The following GRM5 variants were observed in gnomAD, a reference collection of about 807,000 sequenced individuals.
GRM5 encodes glutamate metabotropic receptor 5, also known as metabotropic glutamate receptor 5.
A neutral mutation model predicts 83.1 loss-of-function variants in GRM5; 19 were observed. The observed-to-expected ratio is 0.23, with a 90% CI of 0.16 to 0.34. The LOEUF is 0.34. Among genes scored for constraint, GRM5 ranks in the 10% least tolerant of loss-of-function variants. The pLI is 1.00. For synonymous variants in GRM5, 675 were observed against 633.6 expected (o/e 1.07, Z -0.98); for missense variants, 1,160 against 1,588.3 (o/e 0.73, Z 4.58).
At chr11:88,568,159 C>T (rs915274164) in intron 7 of GRM5, among the ~76,000 whole-genome samples, 167 bp from the exon 8 acceptor site, 6 of 152,098 alleles carry the variant, frequency 3.9e-5, no homozygotes, top group East Asian at 1.9e-4. Flanking sequence ...ATTCAGAAAA[C>T]GTTAATGATG....
intron 3 of GRM5, among the ~76,000 whole-genome samples, chr11:88,689,238 T>A (rs1447552713): frequency 6.6e-6 from 1 of 152,226 alleles, no homozygotes; most frequent in Non-Finnish European, 1.5e-5. Flanking sequence ...TGTGTTAAGC[T>A]CTAGCTACTG....
chr11:88,810,007 AG>A (rs1943562394), intron 3 of GRM5, among the ~76,000 whole-genome samples: 1 of 152,068 alleles, frequency 6.6e-6, no homozygotes, highest in Admixed American at 6.6e-5. Context: ...TTCCTTTATA[AG>A]AAATAAAGGC....
intron 2 of GRM5, among the ~76,000 whole-genome samples, chr11:88,911,197 T>C (rs1235443360): frequency 6.6e-6 from 1 of 152,106 alleles, no homozygotes; most frequent in Non-Finnish European, 1.5e-5. Context: ...GTCCCCACTG[T>C]ATATAAAGCT....
At chr11:89,049,919 T>C (rs1941722923) in intron 1 of GRM5, among the ~76,000 whole-genome samples, 1 of 152,224 alleles carries the variant, frequency 6.6e-6, no homozygotes, top group African/African-American at 2.4e-5. Flanking sequence ...ATGTGAATTC[T>C]GCTGCAGACA....
At chr11:88,855,836 G>T (rs1944465936) in intron 2 of GRM5, among the ~76,000 whole-genome samples, 1 of 151,874 alleles carries the variant, frequency 6.6e-6, no homozygotes, top group Non-Finnish European at 1.5e-5. Flanking sequence ...ATAGAGGGTA[G>T]TTAATGCTTT....
intron 2 of GRM5, among the ~76,000 whole-genome samples, chr11:88,869,165 T>C (rs1014927540): frequency 1.1e-4 from 17 of 151,612 alleles, no homozygotes; most frequent in African/African-American, 4.1e-4. Context: ...ATATCTGTAA[T>C]TCTGCCCAAG....
At chr11:88,818,666 T>C (rs1312123948) in intron 3 of GRM5, among the ~76,000 whole-genome samples, 1 of 152,170 alleles carries the variant, frequency 6.6e-6, no homozygotes, top group Non-Finnish European at 1.5e-5. Context: ...TGCCTGTCAT[T>C]CAAATTATTA....
intron 2 of GRM5, among the ~76,000 whole-genome samples, chr11:88,897,495 C>T (rs1229160430): frequency 6.6e-6 from 1 of 151,888 alleles, no homozygotes; most frequent in East Asian, 1.9e-4. Flanking sequence ...AATAAATTTG[C>T]TTGCAATACT....
At chr11:88,900,088 G>T (rs995430856) in intron 2 of GRM5, among the ~76,000 whole-genome samples, 1 of 151,986 alleles carries the variant, frequency 6.6e-6, no homozygotes, top group African/African-American at 2.4e-5. Flanking sequence ...ATTATTTATG[G>T]GTACCCAGGT....
At chr11:88,653,538 A>T in intron 3 of GRM5, 135 bp from the exon 4 acceptor site, 1 of 590,280 alleles carries the variant, frequency 1.7e-6, no homozygotes. Flanking sequence ...TTACACCGAC[A>T]TGATTATTGA....
intron 9 of GRM5, among the ~76,000 whole-genome samples, chr11:88,514,600 C>T (rs2135085163): frequency 6.6e-6 from 1 of 151,896 alleles, no homozygotes; most frequent in African/African-American, 2.4e-5. Context: ...TACAGGAATA[C>T]AGTGTTAAGG....
At chr11:88,628,952 G>A (rs570482974) in intron 4 of GRM5, among the ~76,000 whole-genome samples, 1 of 152,186 alleles carries the variant, frequency 6.6e-6, no homozygotes, top group South Asian at 2.1e-4. Flanking sequence ...TGAATTTTTA[G>A]AACGCAGGCC....
chr11:88,546,543 A>C (rs1334985319), intron 8 of GRM5, among the ~76,000 whole-genome samples: 1 of 152,072 alleles, frequency 6.6e-6, no homozygotes, highest in Non-Finnish European at 1.5e-5. Context: ...GTTTGCTTGG[A>C]ATTTGGCTAA....
chr11:88,596,839 TTAAC>T (rs1230673683), intron 6 of GRM5, among the ~76,000 whole-genome samples: 2 of 152,078 alleles, frequency 1.3e-5, no homozygotes, highest in African/African-American at 4.8e-5. Flanking sequence ...CTAATCAATA[TTAAC>T]TATTATATTA....
At position 88,689,584 on chromosome 11, in the gene GRM5, A is replaced by G. The variant is rs548304453; in HGVS notation, c.912-36181T>C. Among the ~76,000 whole-genome samples, 9 of 152,336 alleles carry G rather than the reference A, an allele frequency of 5.9e-5. 1 individual carries two copies. The South Asian group carries it at 1.9e-3, about 32-fold the overall frequency. The stretch of plus-strand genomic sequence containing the variant: ...TAATTTTCTTAATTTGTCACTCATC[A>G]ACTTCTTTAGATGCTGATCTTAGAC... On this transcript the variant is annotated intron_variant, in intron 3 of 9. Transcript: ENST00000305447.
intron 3 of GRM5, among the ~76,000 whole-genome samples, chr11:88,824,974 A>G (rs76284228): frequency 0.025 from 3,873 of 152,252 alleles, 170 homozygotes; most frequent in African/African-American, 0.089. Flanking sequence ...AAATCTAAAC[A>G]TGTTTTAATT....
rs1254689342 is a variant in GRM5 at position 88,509,184 on chromosome 11, G to C, written c.3047C>G (p.Pro1016Arg). 2.0e-6 allele frequency: 3 copies of C among 1,534,454 alleles called. No individual in the cohort carries two copies. The South Asian group carries it at 3.6e-5, about 18-fold the overall frequency. Reference protein sequence around the residue: ...AEEHFPAPARPRSPSPISTLS... With the variant: ...AEEHFPAPARRRSPSPISTLS... ...CGTGCTGATGGGCGACGGTGAGCGC[G>C]GCCGCGCGGGCGCCGGGAAGTGCTC... Residue 1016 changes from proline (P) to arginine (R), a missense_variant, in exon 10 of 10, where the codon CCG becomes CGG. Physicochemically the swap from Pro to Arg is moderately radical, Grantham distance 103. Coordinates refer to ENST00000305447, the MANE Select transcript of GRM5 (RefSeq NM_001143831.3).
At chr11:88,608,982 C>T (rs1591379454) in intron 4 of GRM5, among the ~76,000 whole-genome samples, 1 of 152,136 alleles carries the variant, frequency 6.6e-6, no homozygotes, top group Non-Finnish European at 1.5e-5. Flanking sequence ...TAATACTAGT[C>T]CTAACCATTT....
intron 3 of GRM5, among the ~76,000 whole-genome samples, chr11:88,808,626 C>T (rs1462418201): frequency 2.0e-5 from 3 of 151,908 alleles, no homozygotes; most frequent in African/African-American, 7.2e-5. Flanking sequence ...GTGACCATAA[C>T]ATATGACACT....
Sources: gnomAD v4.1 joint callset for allele counts (sites outside exome capture counted in the v4.1 genomes callset) on GRCh38, gnomAD v4.1.1 for gene constraint, MANE v1.5 for transcripts, NCBI Gene and HGNC (gene_info 2026-07-23, HGNC 2026-07-21) for gene names.